Variants in VIPR1 observed in about 807,000 individuals in gnomAD.
VIPR1 encodes vasoactive intestinal peptide receptor 1.
A neutral mutation model predicts 58.8 loss-of-function variants in VIPR1; 59 were observed. The ratio of observed to expected loss-of-function variants is 1.00; its 90% CI spans 0.81 to 1.25. The LOEUF is 1.25. VIPR1 is among the 50% of genes most tolerant of loss of function. The probability of loss-of-function intolerance (pLI) is 0.00; values close to 1 mark genes in which losing one functional copy is unlikely to be tolerated. For synonymous variants in VIPR1, 251 were observed against 242.1 expected (o/e 1.04, Z -0.34); for missense variants, 626 against 602.7 (o/e 1.04, Z -0.40).
At chr3:42,524,833 A>G (rs1315622611) in intron 3 of VIPR1, among the ~76,000 whole-genome samples, 2 of 152,150 alleles carry the variant, frequency 1.3e-5, no homozygotes, top group Admixed American at 1.3e-4. Flanking sequence ...TGTCCTCTCT[A>G]TGTAGCCTTG....
intron 1 of VIPR1, among the ~76,000 whole-genome samples, chr3:42,494,876 G>A (rs963414037): frequency 1.1e-4 from 16 of 152,030 alleles, no homozygotes; most frequent in African/African-American, 3.4e-4. Flanking sequence ...TTACTAGAAT[G>A]TTCATATCTC....
chr3:42,527,705 G>A, intron 5 of VIPR1: 1 of 633,908 alleles, frequency 1.6e-6, no homozygotes. Flanking sequence ...CCCCTAGGAT[G>A]GCCCTGCACC....
chr3:42,514,541 C>CCACACACACACACACACACA (rs111610459), intron 2 of VIPR1, among the ~76,000 whole-genome samples: 4 of 144,078 alleles, frequency 2.8e-5, no homozygotes, highest in Admixed American at 1.4e-4. Context: ...GATAGTGACA[C>CCACACACACACACACACACA]CACACACACA....
intron 2 of VIPR1, among the ~76,000 whole-genome samples, chr3:42,515,656 G>T (rs780117755): frequency 5.9e-5 from 9 of 152,242 alleles, no homozygotes; most frequent in Non-Finnish European, 1.2e-4. Flanking sequence ...CCATGGGTCT[G>T]CCCGTGACCT....
chr3:42,491,137 C>T (rs960291654), intron 1 of VIPR1, among the ~76,000 whole-genome samples: 1 of 152,186 alleles, frequency 6.6e-6, no homozygotes, highest in Non-Finnish European at 1.5e-5. Context: ...AAAAGAGAGC[C>T]TGCAAGGAAA....
At chr3:42,495,329 G>A (rs1487445314) in intron 1 of VIPR1, among the ~76,000 whole-genome samples, 1 of 152,084 alleles carries the variant, frequency 6.6e-6, no homozygotes, top group African/African-American at 2.4e-5. Flanking sequence ...CACCATGTTA[G>A]CCAGGATGGT....
rs1237046634 is a variant in VIPR1, at chr3:42,512,746, C to T, written c.79-1003C>T. The stretch of plus-strand genomic sequence containing the variant: ...CCCTGGTGGAAACTGACATTCTTCT[C>T]CCAGGCAGAGATGAGGAAACTGGTG... On this transcript the variant is annotated intron_variant, in intron 1 of 12. Transcript: ENST00000325123. 3.0e-6 allele frequency: 3 copies of T among 985,306 alleles called. No homozygotes were observed. The African/African-American group carries it at 5.2e-5, about 17-fold the overall frequency. 61.0% of individuals were successfully genotyped at this position (985,306 alleles called of 1,614,324 possible).
In VIPR1 at chr3:42,502,949, C is replaced by A. The variant is rs182295612; in HGVS notation, c.78+136C>A. ...GAATAGGGGACATCAAGCATCTCGACTCGCCTCCTCCCACCGCTCCAGACC... is the reference window on the plus strand; with the variant it reads ...GAATAGGGGACATCAAGCATCTCGAATCGCCTCCTCCCACCGCTCCAGACC... On this transcript the variant is annotated intron_variant, in intron 1 of 12. Transcript: ENST00000325123. The A allele has an allele frequency of 5.0e-3, 3,268 of 656,476 alleles. 17 individuals are homozygous for A. The highest frequency in any genetic ancestry group is 5.4e-3 in the Non-Finnish European group (2,534 of 466,200). 40.7% of individuals were successfully genotyped at this position (656,476 alleles called of 1,614,324 possible). A position where few individuals can be genotyped will look rare whatever the true frequency, so the allele number is the denominator to read the frequency against.
At chr3:42,505,089 C>G (rs1700057178) in intron 1 of VIPR1, among the ~76,000 whole-genome samples, 1 of 152,034 alleles carries the variant, frequency 6.6e-6, no homozygotes, top group South Asian at 2.1e-4. Flanking sequence ...AGGAGGGTCA[C>G]AGGCCTCCTC....
chr3:42,510,526 C>T (rs931861426), intron 1 of VIPR1, among the ~76,000 whole-genome samples: 5 of 152,250 alleles, frequency 3.3e-5, no homozygotes, highest in Admixed American at 2.0e-4. Flanking sequence ...TGCCCTGGCC[C>T]GGTCCCTCAA....
intron 2 of VIPR1, among the ~76,000 whole-genome samples, chr3:42,514,826 T>C (rs1344306626): frequency 6.6e-6 from 1 of 152,166 alleles, no homozygotes; most frequent in Non-Finnish European, 1.5e-5. Flanking sequence ...TCAGGACAGA[T>C]GACAGCACCC....
At chr3:42,534,734 G>T in intron 10 of VIPR1, 1 of 422,358 alleles carries the variant, frequency 2.4e-6, no homozygotes, top group Non-Finnish European at 4.3e-6. Flanking sequence ...AATAGAGGGG[G>T]TTTCTTTCTC....
intron 3 of VIPR1, among the ~76,000 whole-genome samples, chr3:42,519,810 G>A (rs1053938509): frequency 2.6e-5 from 4 of 152,236 alleles, no homozygotes; most frequent in African/African-American, 9.6e-5. Flanking sequence ...AGTCATTAAA[G>A]AGATTCACAA....
At position 42,522,619 on chromosome 3, in the gene VIPR1, C is replaced by T. The variant is rs181250457; in HGVS notation, c.293-3268C>T. ...ACTTGCTGGCTGGGATGGGACACCA[C>T]GGCAGGGAATCAGCAGGAGAGTTCC... On this transcript the variant is annotated intron_variant, in intron 3 of 12. Coordinates refer to ENST00000325123, the MANE Select transcript of VIPR1 (RefSeq NM_004624.4). Among the ~76,000 whole-genome samples the T allele has an allele frequency of 7.0e-4, 107 of 152,232 alleles. No individual in the cohort carries two copies. The East Asian group carries it at 0.014, about 20-fold the overall frequency.
Position 42,519,218 on chromosome 3 carries a change from C to T in VIPR1, c.185-5C>T. On this transcript the variant is annotated splice_region_variant and splice_polypyrimidine_tract_variant and intron_variant, in intron 2 of 12. Transcript: ENST00000325123. ...ACCCATGTGTCTTCTGCCTTACCCCCATAGGCTGCAGCAAGATGTGGGACA... is the reference window on the plus strand; with the variant it reads ...ACCCATGTGTCTTCTGCCTTACCCCTATAGGCTGCAGCAAGATGTGGGACA... 6.2e-7 allele frequency: 1 copy of T among 1,605,274 alleles called. No individual in the cohort carries two copies. Among genetic ancestry groups the T allele is most frequent in the Non-Finnish European group, 8.5e-7 (1 of 1,175,928 alleles).
intron 3 of VIPR1, among the ~76,000 whole-genome samples, chr3:42,522,109 T>G (rs1436151496): frequency 4.6e-5 from 2 of 43,524 alleles, no homozygotes; most frequent in African/African-American, 2.2e-4. Context: ...ATATTTTTTT[T>G]TTTTTTTTTT....
At chr3:42,527,327 T>A in intron 4 of VIPR1, 66 bp from the exon 5 acceptor site, 24 of 1,374,996 alleles carry the variant, frequency 1.7e-5, no homozygotes, top group East Asian at 2.4e-5. Context: ...ACCCCACCCC[T>A]GCCAATACCC....
In VIPR1 at chr3:42,536,301, C is replaced by A; in HGVS notation, c.*20C>A. The A allele has an allele frequency of 6.7e-7, 1 of 1,499,420 alleles. No homozygotes were observed. The highest frequency in any genetic ancestry group is 2.5e-5 in the East Asian group (1 of 40,590). The allele number at this position is 1,499,420 out of a possible 1,614,324, so 92.9% of individuals were successfully genotyped here. On this transcript the variant is annotated 3_prime_UTR_variant, in exon 13 of 13. Coordinates refer to ENST00000325123, the MANE Select transcript of VIPR1 (RefSeq NM_004624.4). ...GTCTGACCACCAGGATCCCAGGGGCCCAAGGCGGCCCCTCCCGCCCCTTCC... is the reference window on the plus strand; with the variant it reads ...GTCTGACCACCAGGATCCCAGGGGCACAAGGCGGCCCCTCCCGCCCCTTCC...
chr3:42,491,939 C>G (rs1699673507), intron 1 of VIPR1, among the ~76,000 whole-genome samples: 1 of 152,120 alleles, frequency 6.6e-6, no homozygotes, highest in Non-Finnish European at 1.5e-5. Context: ...GAATGGGGTT[C>G]CAGAGATTCT....
Sources: gnomAD v4.1 joint callset for allele counts (sites outside exome capture counted in the v4.1 genomes callset) on GRCh38, gnomAD v4.1.1 for gene constraint, MANE v1.5 for transcripts, NCBI Gene and HGNC (gene_info 2026-07-23, HGNC 2026-07-21) for gene names.